The following EYA1 variants were observed in gnomAD, a reference collection of about 807,000 sequenced individuals.
The protein encoded by EYA1 is protein phosphatase EYA1.
In EYA1, 16 loss-of-function variants were observed where a neutral mutation model predicts 82.0. That is an observed-to-expected ratio of 0.20 (90% CI 0.13 to 0.30). The LOEUF is 0.30. EYA1 is among the 10% of genes least tolerant of loss of function. The pLI is 1.00. For missense variants in EYA1, 633 were observed against 730.7 expected (o/e 0.87, Z 1.54); for synonymous variants, 261 against 264.4 (o/e 0.99, Z 0.12).
intron 9 of EYA1, among the ~76,000 whole-genome samples, chr8:71,279,779 C>G (rs1303027189): frequency 6.6e-6 from 1 of 152,150 alleles, no homozygotes; most frequent in Non-Finnish European, 1.5e-5. Context: ...TGGTACAGGT[C>G]ACAGGTATAT....
intron 12 of EYA1, among the ~76,000 whole-genome samples, chr8:71,243,200 G>A (rs1232329053): frequency 6.6e-6 from 1 of 152,070 alleles, no homozygotes; most frequent in East Asian, 1.9e-4. Flanking sequence ...TTGTACCCAG[G>A]ACAAAAAATC....
rs555654143 is a variant in EYA1 at position 71,377,458 on chromosome 8, T to C, written c.34-20947A>G. On this transcript the variant is annotated intron_variant, in intron 2 of 18. Coordinates refer to the EYA1 transcript ENST00000643681. ...GTAATGTAGCGGTACCTAATAAAAA[T>C]ATCCATCATTACATTGAAGTCACTC... 8.3e-4 allele frequency among the ~76,000 whole-genome samples: 126 copies of C among 152,268 alleles called. 1 individual carries two copies. The highest frequency in any genetic ancestry group is 2.7e-3 in the African/African-American group (113 of 41,548).
chr8:71,471,185 C>T (rs1809175729), intron 2 of EYA1, among the ~76,000 whole-genome samples: 1 of 151,924 alleles, frequency 6.6e-6, no homozygotes, highest in African/African-American at 2.4e-5. Context: ...TGAATTGCCT[C>T]TTACTCTGGG....
At position 71,258,555 on chromosome 8, in the gene EYA1, T is replaced by C. The variant is rs188228146; in HGVS notation, c.1050+11185A>G. Among the ~76,000 whole-genome samples the C allele has an allele frequency of 3.9e-5, 6 of 152,316 alleles. No homozygotes were observed. In the East Asian group the frequency reaches 1.2e-3, roughly 29 times the overall value. On this transcript the variant is annotated intron_variant, in intron 11 of 17. Transcript: ENST00000340726. Reference sequence around the variant, plus strand: ...TAGTCCTAACATGGAGACCACATGGTATTAGCAGGGGACCTTACCCACTAC... The same window carrying C: ...TAGTCCTAACATGGAGACCACATGGCATTAGCAGGGGACCTTACCCACTAC...
chr8:71,238,551 G>T (rs555993803), intron 12 of EYA1, among the ~76,000 whole-genome samples: 37 of 151,968 alleles, frequency 2.4e-4, no homozygotes, highest in Admixed American at 2.0e-3. Flanking sequence ...TTCTTATAAG[G>T]TTTCTTCCTA....
chr8:71,311,175 G>T (rs554086241), intron 7 of EYA1, among the ~76,000 whole-genome samples: 3 of 152,288 alleles, frequency 2.0e-5, no homozygotes, highest in Admixed American at 2.0e-4. Flanking sequence ...TATATTATAT[G>T]TGGAGTTAAA....
intron 9 of EYA1, among the ~76,000 whole-genome samples, chr8:71,293,593 T>C (rs1586217141): frequency 6.6e-6 from 1 of 151,730 alleles, no homozygotes. Context: ...TTATATGTCA[T>C]GACCAAGTAG....
chr8:71,299,544 A>G (rs1819967572), intron 8 of EYA1, 94 bp downstream of exon 8: 1 of 825,718 alleles, frequency 1.2e-6, no homozygotes, highest in African/African-American at 1.7e-5. Context: ...AGCCTTAGGA[A>G]AGCTCTCACT....
chr8:71,467,545 G>T (rs959592498), intron 2 of EYA1, among the ~76,000 whole-genome samples: 1 of 152,124 alleles, frequency 6.6e-6, no homozygotes, highest in Non-Finnish European at 1.5e-5. Flanking sequence ...GGAATCAAAT[G>T]ATTTTTCATG....
At chr8:71,510,580 T>C (rs58258370) in intron 2 of EYA1, among the ~76,000 whole-genome samples, 54 of 152,270 alleles carry the variant, frequency 3.5e-4, no homozygotes, top group African/African-American at 1.2e-3. Context: ...AAGCCCCTTA[T>C]AAAACCAACA....
intron 11 of EYA1, among the ~76,000 whole-genome samples, chr8:71,250,653 C>T (rs183739280): frequency 3.3e-4 from 51 of 152,282 alleles, no homozygotes; most frequent in Non-Finnish European, 5.9e-4. Context: ...GTTTCTATTT[C>T]GTGTAGAATG....
At chr8:71,448,638 C>T (rs571174445) in intron 2 of EYA1, among the ~76,000 whole-genome samples, 1 of 152,300 alleles carries the variant, frequency 6.6e-6, no homozygotes, top group African/African-American at 2.4e-5. Flanking sequence ...TTTCAGTGTA[C>T]TTTGCCTAGA....
At chr8:71,441,497 T>C (rs1056516050) in intron 2 of EYA1, among the ~76,000 whole-genome samples, 1 of 152,114 alleles carries the variant, frequency 6.6e-6, no homozygotes, top group Non-Finnish European at 1.5e-5. Context: ...CCCATAGAAA[T>C]AAAACTGAAA....
At chr8:71,442,318 A>C (rs1470807573) in intron 2 of EYA1, among the ~76,000 whole-genome samples, 3 of 152,198 alleles carry the variant, frequency 2.0e-5, no homozygotes, top group African/African-American at 7.2e-5. Context: ...TTTCTTTTCA[A>C]GACATTTGAA....
chr8:71,325,137 G>A (rs570867806), intron 4 of EYA1, among the ~76,000 whole-genome samples: 4 of 152,288 alleles, frequency 2.6e-5, no homozygotes, highest in East Asian at 3.9e-4. Flanking sequence ...TCCCTCCTGG[G>A]TAGGTTATCT....
In EYA1 at chr8:71,263,739, G is replaced by A. The variant is rs118012201; in HGVS notation, c.1050+6001C>T. Among the ~76,000 whole-genome samples the A allele has an allele frequency of 7.0e-3, 1,073 of 152,246 alleles. 5 individuals are homozygous for A. The highest frequency in any genetic ancestry group is 0.027 in the Middle Eastern group (8 of 294). ...TATCTTTGCAGGCCATATCATCTCT[G>A]ACACACATTCTTCCTTGTGCTTTTA... is the stretch of plus-strand genomic sequence containing the variant. On this transcript the variant is annotated intron_variant, in intron 11 of 17. Transcript: ENST00000340726.
At chr8:71,273,634 C>A (rs756163353) in intron 9 of EYA1, among the ~76,000 whole-genome samples, 2 of 152,330 alleles carry the variant, frequency 1.3e-5, no homozygotes, top group Admixed American at 6.5e-5. Context: ...CGTCTCCATG[C>A]AGAACCAGAT....
chr8:71,412,822 C>T (rs1378437575), intron 2 of EYA1, among the ~76,000 whole-genome samples: 3 of 152,206 alleles, frequency 2.0e-5, no homozygotes, highest in Non-Finnish European at 4.4e-5. Context: ...ATACCTAGCA[C>T]TGCTGCTTAC....
rs1442193619 is a variant in EYA1, at chr8:71,303,370, A to G, written c.557-3650T>C. Among the ~76,000 whole-genome samples the G allele has an allele frequency of 3.5e-5, 5 of 142,272 alleles. No individual in the cohort carries two copies. In the East Asian group the frequency reaches 1.0e-3, roughly 29 times the overall value. 93.3% of individuals were successfully genotyped at this position (142,272 alleles called of 152,430 possible). On this transcript the variant is annotated intron_variant, in intron 7 of 17. Coordinates refer to ENST00000340726, the MANE Select transcript of EYA1 (RefSeq NM_000503.6). ...ACTTACTAATCAGTATTTTAAGCCA[A>G]GTACTAATTGACCTGTAAACTAACA...
Sources: gnomAD v4.1 joint callset for allele counts (sites outside exome capture counted in the v4.1 genomes callset) on GRCh38, gnomAD v4.1.1 for gene constraint, MANE v1.5 for transcripts, NCBI Gene and HGNC (gene_info 2026-07-23, HGNC 2026-07-21) for gene names.